The following CLYBL variants were observed in gnomAD, a reference collection of about 807,000 sequenced individuals.
CLYBL encodes citramalyl-CoA lyase, mitochondrial.
In CLYBL, 31 loss-of-function variants were observed where a neutral mutation model predicts 38.9. The ratio of observed to expected loss-of-function variants is 0.80; its 90% confidence interval spans 0.60 to 1.08. The LOEUF (loss-of-function observed/expected upper bound fraction) is 1.08. Ranked by LOEUF, CLYBL falls within the 50% of genes least tolerant of loss-of-function variation. The pLI, the probability that CLYBL is intolerant of heterozygous loss-of-function variation, is 0.00. For missense variants in CLYBL, 434 were observed against 411.6 expected (o/e 1.05, Z -0.47); for synonymous variants, 171 against 158.6 (o/e 1.08, Z -0.59).
chr13:99,846,259 A>G (rs568410658), intron 2 of CLYBL, among the ~76,000 whole-genome samples: 1 of 150,476 alleles, frequency 6.6e-6, no homozygotes, highest in Non-Finnish European at 1.5e-5. Flanking sequence ...GATGGATATT[A>G]CCAATATTAC....
At chr13:99,635,732 G>A (rs1225975343) in intron 1 of CLYBL, among the ~76,000 whole-genome samples, 3 of 152,206 alleles carry the variant, frequency 2.0e-5, no homozygotes, top group Admixed American at 6.5e-5. Flanking sequence ...AGGGTTTGGA[G>A]TTGGACAGAT....
intron 2 of CLYBL, among the ~76,000 whole-genome samples, chr13:99,833,014 ATATATATATATATATATTTTTTTTTTT>A (rs2050843892): frequency 6.4e-5 from 2 of 31,390 alleles, no homozygotes; most frequent in Admixed American, 3.5e-4. Context: ...ATACATATAT[ATATATATATATATATATTTTTTTTTTT>A]TTTTTTTTTT....
chr13:99,804,281 A>G (rs984845244), intron 2 of CLYBL, among the ~76,000 whole-genome samples: 1 of 152,238 alleles, frequency 6.6e-6, no homozygotes, highest in Non-Finnish European at 1.5e-5. Flanking sequence ...GCTCTTGCAA[A>G]GATCTGGATT....
chr13:99,756,266 TA>T (rs1228690373), intron 1 of CLYBL, among the ~76,000 whole-genome samples: 1 of 152,228 alleles, frequency 6.6e-6, no homozygotes, highest in Non-Finnish European at 1.5e-5. Flanking sequence ...CTCCCCTGCC[TA>T]AATGTAATAG....
At chr13:99,691,321 T>C (rs2047898494) in intron 1 of CLYBL, among the ~76,000 whole-genome samples, 1 of 152,180 alleles carries the variant, frequency 6.6e-6, no homozygotes, top group African/African-American at 2.4e-5. Context: ...TATAAATAAA[T>C]TAGTTACAAA....
intron 1 of CLYBL, among the ~76,000 whole-genome samples, chr13:99,621,739 A>G (rs1228713766): frequency 2.3e-5 from 3 of 129,434 alleles, no homozygotes; most frequent in African/African-American, 5.8e-5. Flanking sequence ...TTCTTAAAAC[A>G]TGAGATTTTT....
chr13:99,662,650 A>G (rs2047426591), intron 1 of CLYBL, among the ~76,000 whole-genome samples: 1 of 151,856 alleles, frequency 6.6e-6, no homozygotes, highest in Non-Finnish European at 1.5e-5. Context: ...GATTTATGGG[A>G]TAGCCTGACA....
intron 1 of CLYBL, among the ~76,000 whole-genome samples, chr13:99,762,319 G>C (rs994069123): frequency 2.6e-5 from 4 of 151,990 alleles, no homozygotes; most frequent in African/African-American, 9.7e-5. Flanking sequence ...TTAAGTCTTT[G>C]ATCCATTTTT....
chr13:99,670,425 A>G (rs1398563837), intron 1 of CLYBL, among the ~76,000 whole-genome samples: 1 of 152,120 alleles, frequency 6.6e-6, no homozygotes, highest in Non-Finnish European at 1.5e-5. Flanking sequence ...TGTTACGTGG[A>G]ATTTCCCGTG....
At chr13:99,635,334 T>C (rs1197400412) in intron 1 of CLYBL, among the ~76,000 whole-genome samples, 4 of 151,868 alleles carry the variant, frequency 2.6e-5, no homozygotes, top group Non-Finnish European at 4.4e-5. Context: ...TTTTCCAGGA[T>C]CAAATTGAGA....
chr13:99,683,899 C>G (rs965968456), intron 1 of CLYBL, among the ~76,000 whole-genome samples: 5 of 148,800 alleles, frequency 3.4e-5, no homozygotes, highest in African/African-American at 1.2e-4. Flanking sequence ...GACAGAGTCT[C>G]ACTCTGTCAC....
intron 1 of CLYBL, among the ~76,000 whole-genome samples, chr13:99,635,050 C>A (rs1294285832): frequency 1.3e-5 from 2 of 152,180 alleles, no homozygotes; most frequent in Non-Finnish European, 2.9e-5. Context: ...CCAAGGCAGG[C>A]AGCTGCAGAG....
intron 1 of CLYBL, among the ~76,000 whole-genome samples, chr13:99,658,726 TAAA>T (rs58448505): frequency 1.1e-4 from 17 of 151,600 alleles, no homozygotes; most frequent in Admixed American, 8.5e-4. Context: ...TAAAGAAAAG[TAAA>T]AAAAATCCCC....
At chr13:99,769,575 T>C (rs2049338890) in intron 1 of CLYBL, among the ~76,000 whole-genome samples, 1 of 152,246 alleles carries the variant, frequency 6.6e-6, no homozygotes, top group Non-Finnish European at 1.5e-5. Flanking sequence ...CATCATTATG[T>C]TTTTTCCCTG....
At chr13:99,834,883 G>A (rs186981722) in intron 2 of CLYBL, among the ~76,000 whole-genome samples, 5 of 152,206 alleles carry the variant, frequency 3.3e-5, no homozygotes, top group African/African-American at 1.2e-4. Context: ...GAATTTTGAC[G>A]GTCAAGAGGT....
intron 2 of CLYBL, among the ~76,000 whole-genome samples, chr13:99,833,428 T>G (rs2050864585): frequency 6.6e-6 from 1 of 152,102 alleles, no homozygotes; most frequent in Non-Finnish European, 1.5e-5. Context: ...CATTAGAATC[T>G]TTGAATTGCT....
chr13:99,855,927 T>G (rs1288874666), intron 2 of CLYBL, among the ~76,000 whole-genome samples: 4 of 152,216 alleles, frequency 2.6e-5, no homozygotes, highest in Admixed American at 2.6e-4. Flanking sequence ...GGGTGTCGTA[T>G]GGCAACTTAC....
chr13:99,609,066 A>G (rs2046583036), intron 1 of CLYBL, among the ~76,000 whole-genome samples: 1 of 147,554 alleles, frequency 6.8e-6, no homozygotes, highest in South Asian at 2.1e-4. Context: ...GGAGGCTCCC[A>G]TTGCGTATAT....
At chr13:99,694,940 T>C (rs2047956922) in intron 1 of CLYBL, among the ~76,000 whole-genome samples, 1 of 152,160 alleles carries the variant, frequency 6.6e-6, no homozygotes, top group Non-Finnish European at 1.5e-5. Flanking sequence ...GTGATTTTTC[T>C]GCCCTGTAGG....
Sources: allele counts gnomAD v4.1 joint callset (sites outside exome capture counted in the v4.1 genomes callset), GRCh38; gene constraint gnomAD v4.1.1; transcripts MANE v1.5; gene names NCBI Gene and HGNC (gene_info 2026-07-23, HGNC 2026-07-21).